Variants in PHGR1 observed in about 807,000 individuals in gnomAD.
The protein encoded by PHGR1 is proline, histidine and glycine rich 1.
PHGR1 carries 3 observed loss-of-function variants against 4.9 expected under a neutral mutation model. The observed-to-expected ratio is 0.61, with a 90% CI of 0.28 to 1.58. The LOEUF is 1.58. PHGR1 is among the 40% of genes most tolerant of loss of function. The probability of loss-of-function intolerance (pLI) is 0.11; values close to 1 mark genes in which losing one functional copy is unlikely to be tolerated. For synonymous variants in PHGR1, 32 were observed against 46.1 expected (o/e 0.69, Z 1.24); for missense variants, 81 against 118.7 (o/e 0.68, Z 1.48).
chr15:40,353,304 A>C, intron 2 of PHGR1, 37 bp downstream of exon 2: 1 of 1,551,486 alleles, frequency 6.4e-7, no homozygotes, highest in Non-Finnish European at 8.7e-7. Flanking sequence ...AATTGGAAGA[A>C]GGGAGAGAGC....
In PHGR1 at chr15:40,356,421, T is replaced by G; in HGVS notation, c.*118T>G. On this transcript the variant is annotated 3_prime_UTR_variant, in exon 4 of 4. Transcript: ENST00000448599. ...AATAAACAGCCTCCTAGAGGCCACA[T>G]TCTATTCTTTAAAGAGCCTGTCTTC... is the stretch of plus-strand genomic sequence containing the variant. 6.8e-7 allele frequency: 1 copy of G among 1,473,960 alleles called. No homozygotes were observed. The highest frequency in any genetic ancestry group is 9.3e-7 in the Non-Finnish European group (1 of 1,079,946). 91.3% of individuals were successfully genotyped at this position (1,473,960 alleles called of 1,614,324 possible).
chr15:40,353,203 G>A, intron 1 of PHGR1, 29 bp from the exon 2 acceptor site: 1 of 1,547,258 alleles, frequency 6.5e-7, no homozygotes, highest in Non-Finnish European at 8.7e-7. Context: ...TTAGATTACA[G>A]TAAATTAAAA....
chr15:40,356,250 G>T lies in PHGR1; in HGVS notation c.196G>T (p.Gly66Trp). ...CCCCCACCATGGTCCAGGGCCCTGC[G>T]GGCCTCCCCCTGGCCATGGCCCAGG... The part of the protein sequence containing the change: ...PPPHHGPGPC[G>W]PPPGHGPGHP... Residue 66 changes from glycine to tryptophan, a missense_variant, in exon 4 of 4, where the codon GGG becomes TGG. Physicochemically the swap from Gly to Trp is radical, Grantham distance 184. Transcript: ENST00000448599. The T allele has an allele frequency of 6.5e-7, 1 of 1,545,756 alleles. No homozygotes were observed.
rs991516436 is a variant in PHGR1 at position 40,356,217 on chromosome 15, G to C, written c.163G>C (p.Gly55Arg). Residue 55 changes from glycine (G) to arginine (R), a missense_variant, in exon 4 of 4, where the codon GGG becomes CGG. By Grantham distance (125) the Gly-to-Arg change is moderately radical. Coordinates refer to ENST00000448599, the MANE Select transcript of PHGR1 (RefSeq NM_001145643.2). ...PPPGHGPGPC[G>R]PPPHHGPGPC... The stretch of plus-strand genomic sequence containing the variant: ...CCCTGGCCATGGCCCAGGGCCCTGC[G>C]GGCCACCCCCCCACCATGGTCCAGG... 6.6e-7 allele frequency: 1 copy of C among 1,505,916 alleles called. No individual in the cohort carries two copies. Among genetic ancestry groups the C allele is most frequent in the Non-Finnish European group, 8.9e-7 (1 of 1,123,744 alleles). 93.3% of individuals were successfully genotyped at this position (1,505,916 alleles called of 1,614,324 possible). A position where few individuals can be genotyped will look rare whatever the true frequency, so the allele number is the denominator to read the frequency against.
intron 1 of PHGR1, among the ~76,000 whole-genome samples, 175 bp downstream of exon 1, chr15:40,351,237 T>C (rs1047761554): frequency 7.2e-5 from 11 of 152,174 alleles, no homozygotes; most frequent in Non-Finnish European, 1.5e-4. Context: ...TCCCCACTCC[T>C]GGGCTGGGCC....
intron 1 of PHGR1, among the ~76,000 whole-genome samples, 182 bp from the exon 2 acceptor site, chr15:40,353,050 C>T (rs921473868): frequency 6.6e-6 from 1 of 151,822 alleles, no homozygotes; most frequent in Non-Finnish European, 1.5e-5. Flanking sequence ...ACAGTGCCAG[C>T]TCTATATTGG....
chr15:40,353,110 G>GGTGTGTGTGT (rs57886573), intron 1 of PHGR1, 122 bp from the exon 2 acceptor site: 704 of 565,290 alleles, frequency 1.2e-3, no homozygotes, highest in Middle Eastern at 8.8e-3. Context: ...TCCTTTGAAG[G>GGTGTGTGTGT]GTGTGTGTGT....
At chr15:40,353,106 GA>G in intron 1 of PHGR1, 125 bp from the exon 2 acceptor site, 1 of 937,404 alleles carries the variant, frequency 1.1e-6, no homozygotes, top group Non-Finnish European at 1.6e-6. Flanking sequence ...TTCTTCCTTT[GA>G]AGGGTGTGTG....
intron 2 of PHGR1, chr15:40,353,578 G>A: frequency 5.6e-6 from 2 of 358,348 alleles, no homozygotes; most frequent in South Asian, 8.3e-5. Flanking sequence ...TAGAGGTGCA[G>A]CTGGGTCGGA....
intron 3 of PHGR1, among the ~76,000 whole-genome samples, chr15:40,355,043 T>C (rs1296964413): frequency 1.3e-5 from 2 of 151,978 alleles, no homozygotes; most frequent in Admixed American, 1.3e-4. Flanking sequence ...ACTGGGGAGT[T>C]ATCCAGCCCA....
At chr15:40,354,162 A>G (rs1438411314) in intron 2 of PHGR1, among the ~76,000 whole-genome samples, 183 bp from the exon 3 acceptor site, 3 of 152,322 alleles carry the variant, frequency 2.0e-5, no homozygotes, top group Non-Finnish European at 2.9e-5. Context: ...GACTTCCAAT[A>G]TGTATCTTTG....
intron 3 of PHGR1, among the ~76,000 whole-genome samples, chr15:40,355,479 C>G (rs1889278171): frequency 6.6e-6 from 1 of 151,962 alleles, no homozygotes; most frequent in Non-Finnish European, 1.5e-5. Context: ...TGGCACACAC[C>G]GTCTACACAC....
intron 2 of PHGR1, 134 bp from the exon 3 acceptor site, chr15:40,354,211 A>C: frequency 1.2e-6 from 1 of 864,866 alleles, no homozygotes; most frequent in Admixed American, 2.5e-5. Context: ...CAGGCAAGTG[A>C]CCATGTCTGA....
In PHGR1 at chr15:40,356,164, A is replaced by G. The variant is rs1250390928; in HGVS notation, c.110A>G (p.His37Arg). The G allele has an allele frequency of 4.0e-6, 5 of 1,236,112 alleles. No homozygotes were observed. The highest frequency in any genetic ancestry group is 3.1e-6 in the Non-Finnish European group (3 of 976,074). The allele number at this position is 1,236,112 out of a possible 1,614,324, so 76.6% of individuals were successfully genotyped here. Residue 37 changes from histidine to arginine, a missense_variant, in exon 4 of 4, where the codon CAC (histidine) becomes CGC (arginine). By Grantham distance (29) the His-to-Arg change is conservative. Coordinates refer to ENST00000448599, the MANE Select transcript of PHGR1 (RefSeq NM_001145643.2). ...CCAGGGCCCTGCGGGCCACCCCCCCACCATGGTCCAGGGCCCTGCGGGCCA... is the reference window on the plus strand; with the variant it reads ...CCAGGGCCCTGCGGGCCACCCCCCCGCCATGGTCCAGGGCCCTGCGGGCCA... ...HGPGPCGPPP[H>R]HGPGPCGPPP...
chr15:40,355,617 T>G (rs1264881662), intron 3 of PHGR1, among the ~76,000 whole-genome samples: 1 of 151,904 alleles, frequency 6.6e-6, no homozygotes, highest in Non-Finnish European at 1.5e-5. Flanking sequence ...TGACCCAGCC[T>G]CCTGTCTCCC....
intron 1 of PHGR1, 94 bp from the exon 2 acceptor site, chr15:40,353,138 T>G (rs866595767): frequency 7.6e-6 from 7 of 924,198 alleles, no homozygotes; most frequent in Non-Finnish European, 1.1e-5. Context: ...TGTGTGTGTG[T>G]GTGTGTGTGC....
chr15:40,353,166 TGGGA>T, intron 1 of PHGR1, 62 bp from the exon 2 acceptor site: 2 of 1,342,894 alleles, frequency 1.5e-6, no homozygotes, highest in South Asian at 2.5e-5. Flanking sequence ...CGCGCATCCG[TGGGA>T]GGGAGAAAGG....
intron 3 of PHGR1, 111 bp from the exon 4 acceptor site, chr15:40,355,962 A>G: frequency 8.5e-7 from 1 of 1,173,002 alleles, no homozygotes; most frequent in Non-Finnish European, 1.2e-6. Flanking sequence ...GCAACTCCTT[A>G]CTTGCCTAGA....
chr15:40,354,737 G>C (rs971398934), intron 3 of PHGR1, among the ~76,000 whole-genome samples: 1 of 152,124 alleles, frequency 6.6e-6, no homozygotes. Context: ...CCACACTATG[G>C]GGCCCCTAGG....
Sources: gnomAD v4.1 joint callset for allele counts (sites outside exome capture counted in the v4.1 genomes callset) on GRCh38, gnomAD v4.1.1 for gene constraint, MANE v1.5 for transcripts, NCBI Gene and HGNC (gene_info 2026-07-23, HGNC 2026-07-21) for gene names.